The following AFF2 variants were observed in gnomAD, a reference collection of about 807,000 sequenced individuals.
AFF2 encodes AF4/FMR2 family member 2.
A neutral mutation model predicts 76.9 loss-of-function variants in AFF2; 14 were observed. That is an observed-to-expected ratio of 0.18 (90% CI 0.12 to 0.28). AFF2 has a LOEUF of 0.28. Among genes scored for constraint, AFF2 ranks in the 10% least tolerant of loss-of-function variants. The pLI is 1.00. For missense variants in AFF2, 868 were observed against 1,001.1 expected, an observed-to-expected ratio of 0.87 and a Z score of 1.79; for synonymous variants, 398 against 366.7, an observed-to-expected ratio of 1.09 and a Z score of -0.98.
At chrX:148,886,664 G>T (rs1024758094) in intron 8 of AFF2, among the ~76,000 whole-genome samples, 1 of 112,167 alleles carries the variant, frequency 8.9e-6, no homozygotes, top group East Asian at 2.8e-4. Flanking sequence ...CTAGTGTGTG[G>T]TGTCAATGAT....
In AFF2 at chrX:148,997,642, T is replaced by C. The variant is rs1212348854; in HGVS notation, c.*6310T>C. On this transcript the variant is annotated 3_prime_UTR_variant, in exon 21 of 21. Transcript: ENST00000370460. ...CAGGGACTGGGGGTCTATCCTTTCATGGTATTGCTACAATATTTGTCCTTA... is the reference window on the plus strand; with the variant it reads ...CAGGGACTGGGGGTCTATCCTTTCACGGTATTGCTACAATATTTGTCCTTA... 1.8e-5 allele frequency: 2 copies of C among 112,015 alleles called. No individual in the cohort carries two copies. The highest frequency in any genetic ancestry group is 6.5e-5 in the African/African-American group (2 of 30,749). 9.2% of individuals were successfully genotyped at this position (112,015 alleles called of 1,213,427 possible). A position where few individuals can be genotyped will look rare whatever the true frequency, so the allele number is the denominator to read the frequency against.
chrX:148,570,010 GACAGGCTACCATAATTAATTTGAT>G (rs1369853049), intron 1 of AFF2, among the ~76,000 whole-genome samples: 2 of 111,320 alleles, frequency 1.8e-5, no homozygotes, highest in African/African-American at 6.5e-5. Flanking sequence ...ATTTCCTATA[GACAGGCTACCATAATTAATTTGAT>G]TATTCTTTCA....
chrX:148,529,082 A>G (rs782065053), intron 1 of AFF2, among the ~76,000 whole-genome samples: 30 of 112,524 alleles, frequency 2.7e-4, no homozygotes, highest in Non-Finnish European at 4.3e-4. Context: ...CAGATCTGAA[A>G]TATCATCAAT....
At chrX:148,548,882 G>A (rs2052958656) in intron 1 of AFF2, among the ~76,000 whole-genome samples, 1 of 112,511 alleles carries the variant, frequency 8.9e-6, no homozygotes, top group Non-Finnish European at 1.9e-5. Flanking sequence ...TTTGGTATGT[G>A]TGCCGTAATA....
intron 8 of AFF2, among the ~76,000 whole-genome samples, chrX:148,889,643 C>G (rs2071199937): frequency 8.9e-6 from 1 of 111,826 alleles, no homozygotes; most frequent in African/African-American, 3.2e-5. Flanking sequence ...CTGCATTTGA[C>G]TTTCTTGGTT....
intron 3 of AFF2, among the ~76,000 whole-genome samples, chrX:148,788,090 A>T (rs1398015301): frequency 9.0e-6 from 1 of 111,456 alleles, no homozygotes; most frequent in Non-Finnish European, 1.9e-5. Context: ...ATTGTCATTC[A>T]TGTTATCTAA....
intron 4 of AFF2, among the ~76,000 whole-genome samples, chrX:148,818,397 A>G (rs932268159): frequency 4.5e-5 from 5 of 111,460 alleles, no homozygotes; most frequent in African/African-American, 1.6e-4. Flanking sequence ...TGTATAAACA[A>G]ACTAAGTCAC....
intron 7 of AFF2, among the ~76,000 whole-genome samples, chrX:148,878,821 G>A (rs965621956): frequency 1.2e-4 from 13 of 112,334 alleles, no homozygotes; most frequent in Non-Finnish European, 2.4e-4. Context: ...AGACTGTTTC[G>A]TTGTGAGTAA....
chrX:148,809,697 C>A (rs371351479), intron 3 of AFF2, among the ~76,000 whole-genome samples, 179 bp from the exon 4 acceptor site: 1 of 111,633 alleles, frequency 9.0e-6, no homozygotes, highest in Admixed American at 9.5e-5. Flanking sequence ...CCATGCACTG[C>A]GATCTTACCG....
chrX:148,911,099 A>G (rs781813269), intron 9 of AFF2, among the ~76,000 whole-genome samples: 19 of 107,341 alleles, frequency 1.8e-4, no homozygotes, highest in African/African-American at 6.5e-4. Context: ...ATATATGTGT[A>G]TGTGTGTGTG....
chrX:148,626,343 T>A (rs2053926406), intron 1 of AFF2, among the ~76,000 whole-genome samples: 1 of 110,257 alleles, frequency 9.1e-6, no homozygotes, highest in Admixed American at 9.8e-5. Flanking sequence ...CTCCCTCCTC[T>A]ACTCCCACCT....
chrX:148,682,233 A>G (rs1040518852), intron 3 of AFF2, among the ~76,000 whole-genome samples: 8 of 112,255 alleles, frequency 7.1e-5, no homozygotes, highest in Admixed American at 3.8e-4. Flanking sequence ...CATTATGCAC[A>G]CAAAAGCCCT....
At position 148,500,631 on chromosome X, in the gene AFF2, AGCCGCTGCCGCCGCCGCC is replaced by A. The variant is rs1255842749; in HGVS notation, c.-461_-444del. The stretch of plus-strand genomic sequence containing the variant: ...CCGCGGCCGCCGCCGCCGCCTGTGC[AGCCGCTGCCGCCGCCGCC>A]GCCGCCGCCGCCGCCGCCGCCGCCG... On this transcript the variant is annotated 5_prime_UTR_variant, in exon 1 of 21. Coordinates refer to ENST00000370460, the MANE Select transcript of AFF2 (RefSeq NM_002025.4). 1.4e-4 allele frequency: 9 copies of A among 62,504 alleles called. No homozygotes were observed. The highest frequency in any genetic ancestry group is 1.4e-3 in the East Asian group (2 of 1,380). The allele number at this position is 62,504 out of a possible 1,213,427, so 5.2% of individuals were successfully genotyped here. A position where few individuals can be genotyped will look rare whatever the true frequency, so the allele number is the denominator to read the frequency against.
intron 1 of AFF2, among the ~76,000 whole-genome samples, chrX:148,525,924 A>C (rs1356687452): frequency 1.8e-5 from 2 of 111,752 alleles, no homozygotes; most frequent in African/African-American, 6.5e-5. Context: ...ACAGGGTACC[A>C]GACTTTACCA....
At chrX:148,636,614 TG>T (rs781912660) in intron 1 of AFF2, among the ~76,000 whole-genome samples, 1 of 112,150 alleles carries the variant, frequency 8.9e-6, no homozygotes, top group African/African-American at 3.2e-5. Flanking sequence ...TTGAACAGTA[TG>T]TGTTAATAAG....
chrX:148,773,441 C>G (rs2069615560), intron 3 of AFF2, among the ~76,000 whole-genome samples: 1 of 110,433 alleles, frequency 9.1e-6, no homozygotes, highest in East Asian at 2.8e-4. Context: ...CTCTTATTAA[C>G]TAGCCTCTTA....
chrX:148,695,175 G>A (rs782168888), intron 3 of AFF2, among the ~76,000 whole-genome samples: 2 of 111,392 alleles, frequency 1.8e-5, no homozygotes, highest in Admixed American at 1.9e-4. Flanking sequence ...GTGTGGGCTA[G>A]GTTTTACTTT....
chrX:148,511,150 A>G (rs2052477992), intron 1 of AFF2, among the ~76,000 whole-genome samples: 1 of 111,840 alleles, frequency 8.9e-6, no homozygotes, highest in Non-Finnish European at 1.9e-5. Context: ...ATTTGTGTAC[A>G]GCATTTTGAG....
intron 1 of AFF2, among the ~76,000 whole-genome samples, chrX:148,510,453 A>T (rs1202119016): frequency 9.0e-6 from 1 of 111,596 alleles, no homozygotes; most frequent in Non-Finnish European, 1.9e-5. Flanking sequence ...TTCTCTGCTA[A>T]TCTATAAGGA....
Sources: allele counts gnomAD v4.1 joint callset (sites outside exome capture counted in the v4.1 genomes callset), GRCh38; gene constraint gnomAD v4.1.1; transcripts MANE v1.5; gene names NCBI Gene and HGNC (gene_info 2026-07-23, HGNC 2026-07-21).